The following MDN1 variants were observed in gnomAD, a reference collection of about 807,000 sequenced individuals.
MDN1 encodes the protein midasin.
In MDN1, 266 loss-of-function variants were observed where a neutral mutation model predicts 669.2. The ratio of observed to expected loss-of-function variants is 0.40; its 90% CI spans 0.36 to 0.44. The LOEUF is 0.44. Among genes scored for constraint, MDN1 ranks in the 20% least tolerant of loss-of-function variants. The pLI is 1.00. For missense variants in MDN1, 5,940 were observed against 6,754.0 expected, an observed-to-expected ratio of 0.88 and a Z score of 4.22; for synonymous variants, 2,385 against 2,457.1, an observed-to-expected ratio of 0.97 and a Z score of 0.87.
In MDN1 at chr6:89,718,647, T is replaced by A. The variant is rs1019461852; in HGVS notation, c.6322-20A>T. ...ATCAACCTGTAATTTCCAGAGGACA[T>A]GAACTCATCATAGGGTCAGAGAATA... On this transcript the variant is annotated intron_variant, in intron 42 of 101. Transcript: ENST00000369393. The A allele has an allele frequency of 6.2e-6, 10 of 1,611,870 alleles. No homozygotes were observed. The highest frequency in any genetic ancestry group is 7.6e-6 in the Non-Finnish European group (9 of 1,178,318).
intron 1 of MDN1, among the ~76,000 whole-genome samples, chr6:89,808,043 A>C (rs934466149): frequency 6.6e-6 from 1 of 150,776 alleles, no homozygotes; most frequent in African/African-American, 2.4e-5. Flanking sequence ...ACTGATCACA[A>C]ACTCCTGGCC....
intron 46 of MDN1, among the ~76,000 whole-genome samples, 156 bp from the exon 47 acceptor site, chr6:89,713,452 G>T (rs1814099105): frequency 1.3e-5 from 2 of 152,126 alleles, no homozygotes; most frequent in Non-Finnish European, 2.9e-5. Flanking sequence ...AGTCCTCCGA[G>T]GGCACAAAGG....
At chr6:89,738,554 A>C in intron 32 of MDN1, 99 bp from the exon 33 acceptor site, 1 of 1,268,304 alleles carries the variant, frequency 7.9e-7, no homozygotes, top group Non-Finnish European at 1.1e-6. Flanking sequence ...AGTCCAGCAA[A>C]TACTACACAC....
intron 26 of MDN1, among the ~76,000 whole-genome samples, chr6:89,747,826 G>T (rs530356422): frequency 6.9e-6 from 1 of 144,732 alleles, no homozygotes; most frequent in South Asian, 2.2e-4. Flanking sequence ...GGGAGGGGGA[G>T]CTTGCAGTGA....
chr6:89,696,378 G>A lies in MDN1; in HGVS notation c.9365C>T (p.Ser3122Phe). 6.2e-7 allele frequency: 1 copy of A among 1,614,108 alleles called. No homozygotes were observed. The highest frequency in any genetic ancestry group is 8.5e-7 in the Non-Finnish European group (1 of 1,180,018). ...GGAATACCTGAATTCTGCTACTGAA[G>A]AGATAGCCATGTTAGTCCAAAGCAT... ...SSMLWTNMAI[S>F]SVAEFRRTDS... The change falls in exon 60 of 102, where the codon TCT becomes TTT. Residue 3122 changes from serine to phenylalanine, a missense_variant. Coordinates refer to ENST00000369393, the MANE Select transcript of MDN1 (RefSeq NM_014611.3).
intron 34 of MDN1, 62 bp downstream of exon 34, chr6:89,732,495 G>C (rs1300050149): frequency 1.0e-5 from 15 of 1,435,008 alleles, no homozygotes; most frequent in Non-Finnish European, 1.3e-5. Context: ...GCCTGGGCTT[G>C]CTCCTTTTCC....
intron 1 of MDN1, chr6:89,815,363 A>G: frequency 2.2e-6 from 1 of 453,804 alleles, no homozygotes; most frequent in South Asian, 1.7e-5. Flanking sequence ...GAGAGTGGTG[A>G]AATGACACTC....
chr6:89,761,119 C>T (rs955636413), intron 17 of MDN1, among the ~76,000 whole-genome samples: 3 of 151,968 alleles, frequency 2.0e-5, no homozygotes, highest in Admixed American at 1.3e-4. Context: ...TGAGCCGAGA[C>T]TGTGCCACTG....
intron 59 of MDN1, 143 bp from the exon 60 acceptor site, chr6:89,696,717 C>G: frequency 1.6e-6 from 1 of 637,414 alleles, no homozygotes; most frequent in Non-Finnish European, 2.8e-6. Flanking sequence ...CCTAGAAGGA[C>G]AGAACAGGTT....
intron 19 of MDN1, 57 bp downstream of exon 19, chr6:89,758,198 G>A: frequency 2.1e-6 from 3 of 1,408,902 alleles, no homozygotes. Context: ...TCCAACCTGG[G>A]CAACAGAGCA....
Position 89,819,538 on chromosome 6 carries a change from G to C in MDN1, c.70C>G (p.Arg24Gly). 1.2e-6 allele frequency: 2 copies of C among 1,605,618 alleles called. No individual in the cohort carries two copies. The highest frequency in any genetic ancestry group is 1.7e-6 in the Non-Finnish European group (2 of 1,179,970). ...GCCAAGAACCTGCCCAACTCACTGC[G>C]GCTCTTCTCGTTCTTGGCTGCGATT... ...RLIAAKNEKS[R>G]SELGRFLAKQ... Residue 24 changes from arginine (R) to glycine (G), a missense_variant, in exon 1 of 102, where the codon CGC becomes GGC. Arg to Gly is a moderately radical substitution (Grantham distance 125, BLOSUM62 -2). Around this residue, in one of 5 missense-constraint regions of MDN1, gnomAD observed 1,203 missense variants for 1,268.9 expected, o/e 0.95. Coordinates refer to ENST00000369393, the MANE Select transcript of MDN1 (RefSeq NM_014611.3).
chr6:89,760,918 T>G (rs923905536), intron 17 of MDN1, among the ~76,000 whole-genome samples: 2 of 152,104 alleles, frequency 1.3e-5, no homozygotes, highest in African/African-American at 4.8e-5. Context: ...CTCAGCACTT[T>G]GGGAGGCCAA....
rs114028470 is a variant in MDN1, at chr6:89,658,627, G to C, written c.15004C>G (p.Gln5002Glu). The change falls in exon 89 of 102, where the codon CAA becomes GAA. Residue 5002 changes from glutamine to glutamate, a missense_variant. Transcript: ENST00000369393. ...EEGGENGPAD[Q>E]GFQPQEEEER... ...CATGATACCTGGGGCTGGAAACCTT[G>C]GTCAGCAGGGCCATTCTCTCCACCT... The C allele has an allele frequency of 6.2e-7, 1 of 1,607,502 alleles. No homozygotes were observed. The highest frequency in any genetic ancestry group is 2.2e-5 in the East Asian group (1 of 44,694).
intron 33 of MDN1, among the ~76,000 whole-genome samples, chr6:89,737,806 C>T (rs1277536835): frequency 6.6e-6 from 1 of 150,930 alleles, no homozygotes; most frequent in African/African-American, 2.4e-5. Context: ...TCACTGCAAC[C>T]TCCACTTCCC....
In MDN1 at chr6:89,681,215, C is replaced by G. The variant is rs570674534; in HGVS notation, c.12103-464G>C. ...TTGAGACAGGGTCTGGCTTTGTCAC[C>G]CAGGCTGAAGTGCAGTGACCCGATG... is the stretch of plus-strand genomic sequence containing the variant. On this transcript the variant is annotated intron_variant, in intron 73 of 101. Coordinates refer to ENST00000369393, the MANE Select transcript of MDN1 (RefSeq NM_014611.3). Among the ~76,000 whole-genome samples, 7 of 152,122 alleles carry G rather than the reference C, an allele frequency of 4.6e-5. No homozygotes were observed. In the South Asian group the frequency reaches 1.5e-3, roughly 32 times the overall value.
chr6:89,772,866 C>T, intron 13 of MDN1, 145 bp from the exon 14 acceptor site: 2 of 890,788 alleles, frequency 2.2e-6, no homozygotes, highest in Admixed American at 2.9e-5. Flanking sequence ...GATAATCTTA[C>T]AACATACAAA....
At chr6:89,771,697 G>A in intron 14 of MDN1, 76 bp from the exon 15 acceptor site, 1 of 1,261,412 alleles carries the variant, frequency 7.9e-7, no homozygotes, top group Non-Finnish European at 1.2e-6. Flanking sequence ...CCTTAAGGCT[G>A]TGGGAATATG....
chr6:89,683,279 G>A lies in MDN1; in HGVS notation c.11955C>T (p.Cys3985=). ...TGTCACTCTCCACCAGGGATGACCG[G>A]CAGGGTTCACTCAGGACTGCTTCAA... ...KKFEAVLSEP[C]RSSLVESDKE... The change falls in exon 73 of 102, where the codon TGC becomes TGT. Residue 3985 remains cysteine, a synonymous_variant. Coordinates refer to ENST00000369393, the MANE Select transcript of MDN1 (RefSeq NM_014611.3). The A allele has an allele frequency of 1.2e-6, 2 of 1,614,170 alleles. No homozygotes were observed. Among genetic ancestry groups the A allele is most frequent in the Admixed American group, 1.7e-5 (1 of 60,014 alleles).
Position 89,688,752 on chromosome 6 carries a change from G to A in MDN1, c.11080C>T (p.His3694Tyr), listed in dbSNP as rs759415416. ...GGTGCCTCCCCAAAAAGAGTGTTATGGGAGAGGGTACAGGCCAAAAGTTGG... is the reference window on the plus strand; with the variant it reads ...GGTGCCTCCCCAAAAAGAGTGTTATAGGAGAGGGTACAGGCCAAAAGTTGG... ...GSQLLACTLSHNTLFGEAPSD... is the reference protein window; with the variant it reads ...GSQLLACTLSYNTLFGEAPSD... The change falls in exon 66 of 102, where the codon CAT becomes TAT. Residue 3694 changes from histidine (H) to tyrosine (Y), a missense_variant. By Grantham distance (83) the His-to-Tyr change is moderately conservative. Transcript: ENST00000369393. 2.5e-6 allele frequency: 4 copies of A among 1,614,060 alleles called. No individual in the cohort carries two copies. Among genetic ancestry groups the A allele is most frequent in the African/African-American group, 1.3e-5 (1 of 74,930 alleles).
Sources: gnomAD v4.1 joint callset for allele counts (sites outside exome capture counted in the v4.1 genomes callset) on GRCh38, gnomAD v4.1.1 for gene constraint, gnomAD v4.1.1 regional missense constraint, MANE v1.5 for transcripts, NCBI Gene and HGNC (gene_info 2026-07-23, HGNC 2026-07-21) for gene names.